Variants in PTPN5 observed in about 807,000 individuals in gnomAD.
PTPN5 encodes the protein tyrosine-protein phosphatase non-receptor type 5.
In PTPN5, 29 loss-of-function variants were observed where a neutral mutation model predicts 73.9. The ratio of observed to expected loss-of-function variants is 0.39; its 90% CI spans 0.29 to 0.54. The LOEUF (loss-of-function observed/expected upper bound fraction) is 0.54. PTPN5 is among the 20% of genes least tolerant of loss of function. The pLI, the probability that PTPN5 is intolerant of heterozygous loss-of-function variation, is 0.65. For synonymous variants in PTPN5, 267 were observed against 304.7 expected (o/e 0.88, Z 1.29); for missense variants, 652 against 751.4 (o/e 0.87, Z 1.55).
At chr11:18,767,068 C>T (rs1465435659) in intron 2 of PTPN5, among the ~76,000 whole-genome samples, 5 of 152,164 alleles carry the variant, frequency 3.3e-5, no homozygotes, top group Non-Finnish European at 5.9e-5. Flanking sequence ...TTTTAGCTTA[C>T]GCCAGTGGGA....
intron 1 of PTPN5, among the ~76,000 whole-genome samples, chr11:18,781,323 C>CTTTTTTTTTTTTTTTTTTTTTTTTTTTT: frequency 8.7e-6 from 1 of 114,426 alleles, no homozygotes; most frequent in Non-Finnish European, 1.7e-5. Flanking sequence ...TTTTTGACCA[C>CTTTTTTTTTTTTTTTTTTTTTTTTTTTT]TTTTTTTTTT....
At chr11:18,730,472 AC>A (rs1479112610) in intron 12 of PTPN5, 5 of 152,460 alleles carry the variant, frequency 3.3e-5, no homozygotes, top group African/African-American at 1.2e-4. Context: ...ACATGTTGAA[AC>A]CAAATCCCAA....
Position 18,791,581 on chromosome 11 carries a change from C to G in PTPN5, c.-170G>C, listed in dbSNP as rs1442184410. The G allele has an allele frequency of 1.3e-5, 2 of 153,314 alleles. No homozygotes were observed. The highest frequency in any genetic ancestry group is 2.9e-5 in the Non-Finnish European group (2 of 69,112). 9.5% of individuals were successfully genotyped at this position (153,314 alleles called of 1,614,324 possible). A position where few individuals can be genotyped will look rare whatever the true frequency, so the allele number is the denominator to read the frequency against. On this transcript the variant is annotated 5_prime_UTR_variant, in exon 1 of 15. Coordinates refer to ENST00000358540, the MANE Select transcript of PTPN5 (RefSeq NM_006906.2). ...AGGCGGGCAGGCTGGCGGGAGGATG[C>G]GCGCGCGAGTGTGCGTGTGTCTGCG...
chr11:18,790,538 TTGAG>T lies in PTPN5; in HGVS notation c.-114+983_-114+986del, dbSNP rs1851868274. Among the ~76,000 whole-genome samples, 4 of 152,118 alleles carry T rather than the reference TTGAG, an allele frequency of 2.6e-5. No individual in the cohort carries two copies. The South Asian group carries it at 8.3e-4, about 32-fold the overall frequency. On this transcript the variant is annotated intron_variant, in intron 1 of 14. Coordinates refer to ENST00000358540, the MANE Select transcript of PTPN5 (RefSeq NM_006906.2). ...CAAACGAATCCCAAACCCGGAGTGT[TTGAG>T]TGTTATGAGAGCTCTCCTTTGAGGT...
chr11:18,771,561 C>T (rs758897042), intron 2 of PTPN5, among the ~76,000 whole-genome samples: 9 of 152,208 alleles, frequency 5.9e-5, no homozygotes. Context: ...ATCCTCACCC[C>T]CTCAACCACC....
intron 2 of PTPN5, among the ~76,000 whole-genome samples, chr11:18,768,469 GGGCTGACCCCT>G (rs1850733641): frequency 6.6e-6 from 1 of 152,134 alleles, no homozygotes; most frequent in Admixed American, 6.5e-5. Flanking sequence ...CAGCCCATGA[GGGCTGACCCCT>G]GGCTGGGTAC....
intron 1 of PTPN5, among the ~76,000 whole-genome samples, chr11:18,787,614 CCT>C: frequency 6.6e-6 from 1 of 152,298 alleles, no homozygotes; most frequent in South Asian, 2.1e-4. Context: ...CCTGTGGTCT[CCT>C]CTTTTTAGAA....
chr11:18,747,529 T>C (rs761832163), intron 3 of PTPN5, among the ~76,000 whole-genome samples: 51 of 152,232 alleles, frequency 3.4e-4, no homozygotes, highest in Non-Finnish European at 6.3e-4. Flanking sequence ...TAATGTGTTT[T>C]ATTTCCCTCT....
intron 1 of PTPN5, among the ~76,000 whole-genome samples, chr11:18,789,789 TG>T (rs1851829825): frequency 6.6e-6 from 1 of 152,116 alleles, no homozygotes; most frequent in Non-Finnish European, 1.5e-5. Context: ...TTTGGGGACT[TG>T]GGGGAAAGGT....
chr11:18,765,144 ATAAG>A (rs1850584807), intron 3 of PTPN5, among the ~76,000 whole-genome samples: 2 of 152,108 alleles, frequency 1.3e-5, no homozygotes. Flanking sequence ...ACCTTTTGTT[ATAAG>A]AAGGAAAAGA....
intron 1 of PTPN5, among the ~76,000 whole-genome samples, chr11:18,786,289 G>A (rs778873920): frequency 1.3e-5 from 2 of 151,542 alleles, no homozygotes; most frequent in Non-Finnish European, 2.9e-5. Context: ...TGCAAGCTCC[G>A]CCTCCTGGGT....
chr11:18,729,194 C>G lies in PTPN5; in HGVS notation c.1605-167G>C, dbSNP rs1279313792. The stretch of plus-strand genomic sequence containing the variant: ...CCTCTGCCCCTTCCTATCAGGGACA[C>G]AGATGACATGTCCTACCACTTTCGG... On this transcript the variant is annotated intron_variant, in intron 14 of 14. Transcript: ENST00000358540. The surrounding 1 kb of genome is among the most constrained non-coding windows in gnomAD (Gnocchi z 5.2). 1.3e-5 allele frequency among the ~76,000 whole-genome samples: 2 copies of G among 152,200 alleles called. No individual in the cohort carries two copies. Among genetic ancestry groups the G allele is most frequent in the East Asian group, 3.9e-4 (2 of 5,190 alleles).
Position 18,765,821 on chromosome 11 carries a change from C to T in PTPN5, c.83G>A (p.Ser28Asn). The T allele has an allele frequency of 6.3e-7, 1 of 1,576,632 alleles. No homozygotes were observed. The highest frequency in any genetic ancestry group is 8.6e-7 in the Non-Finnish European group (1 of 1,160,262). Reference sequence around the variant, plus strand: ...AGAAGACTCACCCGGTAGCCTCTCACTGCAGCACATGTCCAGGGCCCCTCC... The same window carrying T: ...AGAAGACTCACCCGGTAGCCTCTCATTGCAGCACATGTCCAGGGCCCCTCC... ...SEGGALDMCC[S>N]ERLPGLPQPI... is the part of the protein sequence containing the mutation. The change falls in exon 3 of 15, where the codon AGT (serine) becomes AAT (asparagine). Residue 28 changes from serine to asparagine, a missense_variant. Transcript: ENST00000358540.
In PTPN5 at chr11:18,728,881, G is replaced by A. The variant is rs1326632470; in HGVS notation, c.*53C>T. 1 of 1,563,612 alleles carries A rather than the reference G, an allele frequency of 6.4e-7. No individual in the cohort carries two copies. The highest frequency in any genetic ancestry group is 8.7e-7 in the Non-Finnish European group (1 of 1,150,962). On this transcript the variant is annotated 3_prime_UTR_variant, in exon 15 of 15. Coordinates refer to ENST00000358540, the MANE Select transcript of PTPN5 (RefSeq NM_006906.2). This position sits in a 1 kb window ranked among gnomAD's most constrained non-coding sequence, Gnocchi z 4.1. ...GGACCCGAGGCAGGGCCCTGGGTGA[G>A]GGCCGAGACTCAGGCTGGGCAGTGC...
intron 3 of PTPN5, among the ~76,000 whole-genome samples, chr11:18,755,509 C>G (rs1447202657): frequency 1.3e-5 from 2 of 152,102 alleles, no homozygotes; most frequent in Admixed American, 1.3e-4. Context: ...GCTGTATTCC[C>G]AATGAGGAGA....
At chr11:18,776,868 A>G (rs1441206559) in intron 1 of PTPN5, among the ~76,000 whole-genome samples, 1 of 152,188 alleles carries the variant, frequency 6.6e-6, no homozygotes, top group African/African-American at 2.4e-5. Flanking sequence ...GCTCATTAAA[A>G]ACACCATAAA....
At chr11:18,788,788 C>G (rs1429165392) in intron 1 of PTPN5, among the ~76,000 whole-genome samples, 2 of 152,176 alleles carry the variant, frequency 1.3e-5, no homozygotes, top group African/African-American at 4.8e-5. Context: ...CTCTCTGGAT[C>G]TGAGACTTTT....
intron 1 of PTPN5, among the ~76,000 whole-genome samples, chr11:18,791,097 C>T (rs549652783): frequency 2.9e-4 from 44 of 152,288 alleles, no homozygotes; most frequent in African/African-American, 1.0e-3. Context: ...GGAGGCGAAG[C>T]AATGGGAAGG....
Position 18,782,763 on chromosome 11 carries a change from G to A in PTPN5, c.-114+8762C>T, listed in dbSNP as rs929834938. 5.3e-5 allele frequency among the ~76,000 whole-genome samples: 8 copies of A among 152,340 alleles called. No homozygotes were observed. In the East Asian group the frequency reaches 5.8e-4, roughly 11 times the overall value. On this transcript the variant is annotated intron_variant, in intron 1 of 14. Coordinates refer to ENST00000358540, the MANE Select transcript of PTPN5 (RefSeq NM_006906.2). ...TTAAGATCTATACATTGGACTGCTT[G>A]TAAAGTAAACCTGAAGAACATGTGT...
Sources: allele counts gnomAD v4.1 joint callset (sites outside exome capture counted in the v4.1 genomes callset), GRCh38; gene constraint gnomAD v4.1.1; non-coding constraint Gnocchi (gnomAD v3.1); transcripts MANE v1.5; gene names NCBI Gene and HGNC (gene_info 2026-07-23, HGNC 2026-07-21).